Variants in AGBL4 observed in about 807,000 individuals in gnomAD.
The protein encoded by AGBL4 is AGBL carboxypeptidase 4.
A neutral mutation model predicts 66.4 loss-of-function variants in AGBL4; 58 were observed. The ratio of observed to expected loss-of-function variants is 0.87; its 90% confidence interval spans 0.71 to 1.09. AGBL4 has a LOEUF of 1.09. AGBL4 is among the 50% of genes least tolerant of loss of function. AGBL4 has a pLI of 0.00. For synonymous variants in AGBL4, 234 were observed against 222.9 expected, an observed-to-expected ratio of 1.05 and a Z score of -0.44; for missense variants, 579 against 631.0, an observed-to-expected ratio of 0.92 and a Z score of 0.88.
intron 1 of AGBL4, among the ~76,000 whole-genome samples, chr1:50,020,250 T>A (rs1438831925): frequency 1.3e-5 from 2 of 152,148 alleles, no homozygotes; most frequent in East Asian, 3.9e-4. Context: ...ATACTCATCA[T>A]TGTATGTTTA....
intron 5 of AGBL4, among the ~76,000 whole-genome samples, chr1:48,884,231 G>A (rs1650068015): frequency 6.6e-6 from 1 of 152,124 alleles, no homozygotes; most frequent in African/African-American, 2.4e-5. Context: ...TGAATTGTAG[G>A]CATTACCATT....
chr1:48,530,838 C>T (rs1643900558), downstream of AGBL4, among the ~76,000 whole-genome samples: 1 of 152,296 alleles, frequency 6.6e-6, no homozygotes, highest in Non-Finnish European at 1.5e-5. Context: ...ATGCACAGAA[C>T]ACTGCTTTGG....
chr1:49,774,712 C>A (rs1012617262), intron 2 of AGBL4, among the ~76,000 whole-genome samples: 3 of 152,102 alleles, frequency 2.0e-5, no homozygotes, highest in African/African-American at 7.2e-5. Context: ...ATTGCCTATT[C>A]ATTTGATTAC....
At chr1:48,623,793 G>C (rs962280182) in intron 9 of AGBL4, among the ~76,000 whole-genome samples, 1 of 152,224 alleles carries the variant, frequency 6.6e-6, no homozygotes, top group Non-Finnish European at 1.5e-5. Context: ...TCAGACGGGG[G>C]CATGGAAAGG....
chr1:49,940,736 G>A (rs1327543994), intron 1 of AGBL4, among the ~76,000 whole-genome samples: 11 of 151,984 alleles, frequency 7.2e-5, no homozygotes, highest in Non-Finnish European at 1.3e-4. Flanking sequence ...AGCATTAGGA[G>A]ATATACCTAA....
intron 1 of AGBL4, 105 bp from the exon 2 acceptor site, chr1:49,851,623 A>G: frequency 1.7e-6 from 2 of 1,157,600 alleles, no homozygotes; most frequent in Non-Finnish European, 2.4e-6. Flanking sequence ...GTGTTAACCC[A>G]AGCAAAAAGA....
chr1:48,561,766 G>A (rs965984450), intron 11 of AGBL4, among the ~76,000 whole-genome samples: 4 of 152,070 alleles, frequency 2.6e-5, no homozygotes, highest in African/African-American at 9.7e-5. Flanking sequence ...TTCTTCTTGG[G>A]TCTCAAGTCT....
At chr1:49,465,885 G>C (rs1205422527) in intron 3 of AGBL4, among the ~76,000 whole-genome samples, 1 of 151,848 alleles carries the variant, frequency 6.6e-6, no homozygotes, top group Non-Finnish European at 1.5e-5. Context: ...TCTGTGGGGA[G>C]AAAGGTTGAA....
intron 3 of AGBL4, among the ~76,000 whole-genome samples, chr1:49,459,010 CTCCT>C (rs751477076): frequency 3.3e-5 from 5 of 150,056 alleles, no homozygotes; most frequent in African/African-American, 7.3e-5. Context: ...GGGATATTGG[CTCCT>C]TCCTTCCTTC....
In AGBL4 at chr1:49,781,681, G is replaced by C. The variant is rs550300199; in HGVS notation, c.157+69715C>G. Among the ~76,000 whole-genome samples, 10 of 152,240 alleles carry C rather than the reference G, an allele frequency of 6.6e-5. No individual in the cohort carries two copies. The South Asian group carries it at 2.1e-3, about 32-fold the overall frequency. On this transcript the variant is annotated intron_variant, in intron 2 of 13. Coordinates refer to ENST00000371839, the MANE Select transcript of AGBL4 (RefSeq NM_032785.4). ...GCATACTCCACCCAACAGCAGCAGA[G>C]TATACAATTTCACGAAGTACACACA...
chr1:49,625,644 A>G (rs1191119035), intron 3 of AGBL4, among the ~76,000 whole-genome samples: 2 of 152,188 alleles, frequency 1.3e-5, no homozygotes, highest in Admixed American at 6.5e-5. Flanking sequence ...AGCACAAATC[A>G]TATCTTCTTC....
At chr1:49,443,192 T>G (rs953712867) in intron 3 of AGBL4, among the ~76,000 whole-genome samples, 4 of 152,120 alleles carry the variant, frequency 2.6e-5, no homozygotes, top group Non-Finnish European at 5.9e-5. Flanking sequence ...TATCAGATCA[T>G]TTGCAAATAT....
intron 3 of AGBL4, among the ~76,000 whole-genome samples, chr1:49,425,780 G>A (rs139048104): frequency 4.8e-4 from 73 of 152,294 alleles, no homozygotes; most frequent in Non-Finnish European, 9.7e-4. Flanking sequence ...GAGAAACTCT[G>A]GGGTTGAAGC....
chr1:49,870,992 A>T (rs1200076297), intron 1 of AGBL4, among the ~76,000 whole-genome samples: 2 of 152,114 alleles, frequency 1.3e-5, no homozygotes, highest in Non-Finnish European at 2.9e-5. Context: ...CATTTGTGAG[A>T]CGTGGGGCCA....
At chr1:48,672,999 G>A (rs762094449) in intron 6 of AGBL4, among the ~76,000 whole-genome samples, 6 of 151,950 alleles carry the variant, frequency 3.9e-5, no homozygotes, top group Non-Finnish European at 5.9e-5. Flanking sequence ...GGCTCAGTAC[G>A]TTGCCCGGGG....
At chr1:48,642,102 C>G (rs1320098567) in intron 8 of AGBL4, among the ~76,000 whole-genome samples, 1 of 151,986 alleles carries the variant, frequency 6.6e-6, no homozygotes, top group Non-Finnish European at 1.5e-5. Flanking sequence ...GAGTCATAGC[C>G]CATAGCCCCC....
chr1:48,924,625 A>G (rs1571012333), intron 5 of AGBL4, among the ~76,000 whole-genome samples: 1 of 152,200 alleles, frequency 6.6e-6, no homozygotes, highest in African/African-American at 2.4e-5. Flanking sequence ...CATAAAGCCA[A>G]TAGAGTTCAC....
At chr1:48,695,487 C>T (rs764309132) in intron 6 of AGBL4, among the ~76,000 whole-genome samples, 2 of 152,152 alleles carry the variant, frequency 1.3e-5, no homozygotes, top group Non-Finnish European at 2.9e-5. Context: ...TGAGTAATGC[C>T]ATTAACACAA....
chr1:49,707,360 AC>A (rs1179179146), intron 2 of AGBL4, among the ~76,000 whole-genome samples: 2 of 126,616 alleles, frequency 1.6e-5, no homozygotes, highest in East Asian at 4.5e-4. Flanking sequence ...TAGGATTGCA[AC>A]CCCTGCTTTT....
Sources: gnomAD v4.1 joint callset for allele counts (sites outside exome capture counted in the v4.1 genomes callset) on GRCh38, gnomAD v4.1.1 for gene constraint, MANE v1.5 for transcripts, NCBI Gene and HGNC (gene_info 2026-07-23, HGNC 2026-07-21) for gene names.